The following LRBA variants were observed in gnomAD, a reference collection of about 807,000 sequenced individuals.
LRBA encodes lipopolysaccharide-responsive and beige-like anchor protein.
In LRBA, 176 loss-of-function variants were observed where a neutral mutation model predicts 330.0. The observed-to-expected ratio is 0.53, with a 90% CI of 0.47 to 0.60. The LOEUF (loss-of-function observed/expected upper bound fraction) is 0.60, where lower values mean the gene tolerates loss of function less well. Ranked by LOEUF, LRBA falls within the 20% of genes least tolerant of loss-of-function variation. The pLI is 0.00. For missense variants in LRBA, 3,259 were observed against 3,444.8 expected (o/e 0.95, Z 1.35); for synonymous variants, 1,230 against 1,193.0 (o/e 1.03, Z -0.64).
At chr4:150,354,929 A>G (rs1373349101) in intron 47 of LRBA, among the ~76,000 whole-genome samples, 6 of 152,026 alleles carry the variant, frequency 3.9e-5, no homozygotes, top group African/African-American at 1.4e-4. Context: ...AAATAATTAC[A>G]ATATGTGTGT....
intron 2 of LRBA, among the ~76,000 whole-genome samples, chr4:150,975,101 C>A (rs1245708032): frequency 6.6e-6 from 1 of 151,954 alleles, no homozygotes; most frequent in African/African-American, 2.4e-5. Context: ...TACAAAAAAT[C>A]AAAAAACTAT....
At chr4:150,576,295 G>A (rs892047381) in intron 40 of LRBA, among the ~76,000 whole-genome samples, 3 of 151,758 alleles carry the variant, frequency 2.0e-5, no homozygotes, top group South Asian at 2.1e-4. Context: ...AAAGAATGTA[G>A]TGTTACAACT....
chr4:150,463,343 A>G (rs944856121), intron 44 of LRBA, among the ~76,000 whole-genome samples: 1 of 152,006 alleles, frequency 6.6e-6, no homozygotes, highest in Non-Finnish European at 1.5e-5. Context: ...TTCTTGTTGA[A>G]AGCACTTTTT....
At chr4:150,308,762 C>T (rs1158798015) in intron 52 of LRBA, among the ~76,000 whole-genome samples, 1 of 151,952 alleles carries the variant, frequency 6.6e-6, no homozygotes, top group Admixed American at 6.5e-5. Context: ...TAGAAAAAAA[C>T]CTATACAATA....
intron 50 of LRBA, among the ~76,000 whole-genome samples, chr4:150,320,801 T>C (rs923057915): frequency 6.6e-6 from 1 of 152,130 alleles, no homozygotes; most frequent in Non-Finnish European, 1.5e-5. Flanking sequence ...AGCAAGGCCT[T>C]GTCTCTAAAA....
intron 44 of LRBA, among the ~76,000 whole-genome samples, chr4:150,449,143 T>C (rs1164661150): frequency 6.6e-6 from 1 of 151,908 alleles, no homozygotes; most frequent in Non-Finnish European, 1.5e-5. Context: ...TAAGCAAATA[T>C]CAACTTGCAC....
chr4:150,602,595 C>T (rs1005538184), intron 37 of LRBA, among the ~76,000 whole-genome samples: 12 of 152,040 alleles, frequency 7.9e-5, no homozygotes, highest in Non-Finnish European at 1.2e-4. Flanking sequence ...AAAATGAGGC[C>T]GGCTTTGTCA....
At chr4:150,560,198 G>C (rs1768134027) in intron 40 of LRBA, among the ~76,000 whole-genome samples, 1 of 151,180 alleles carries the variant, frequency 6.6e-6, no homozygotes, top group Non-Finnish European at 1.5e-5. Context: ...ATATACACTT[G>C]TATGTATGTG....
In LRBA at chr4:150,819,204, C is replaced by T. The variant is rs72719635; in HGVS notation, c.5172-1947G>A. 1.6e-3 allele frequency among the ~76,000 whole-genome samples: 241 copies of T among 147,874 alleles called. 1 individual carries two copies. The highest frequency in any genetic ancestry group is 3.7e-3 in the Admixed American group (55 of 14,810). On this transcript the variant is annotated intron_variant, in intron 30 of 56. Coordinates refer to ENST00000651943, the MANE Select transcript of LRBA (RefSeq NM_001364905.1). ...TACTTTATGGGTTTTTTTTTTTTAA[C>T]ATGCATGTCTAGAACAGACAAAACT... is the stretch of plus-strand genomic sequence containing the variant.
rs1311157454 is a variant in LRBA, at chr4:150,791,556, G to A, written c.5580+6525C>T. Among the ~76,000 whole-genome samples the A allele has an allele frequency of 2.0e-5, 3 of 152,102 alleles. 1 individual carries two copies. The highest frequency in any genetic ancestry group is 2.0e-4 in the Admixed American group (3 of 15,264). ...TACCAGAAGCAGACATAAAGAAAAGGACTTGGGCAAGGCAGATATATTCAC... is the reference window on the plus strand; with the variant it reads ...TACCAGAAGCAGACATAAAGAAAAGAACTTGGGCAAGGCAGATATATTCAC... On this transcript the variant is annotated intron_variant, in intron 34 of 56. Transcript: ENST00000651943.
chr4:150,596,657 CTTAA>C (rs1390194394), intron 38 of LRBA, among the ~76,000 whole-genome samples: 1 of 151,748 alleles, frequency 6.6e-6, no homozygotes, highest in Non-Finnish European at 1.5e-5. Flanking sequence ...GTTTTGCATA[CTTAA>C]TTCTTAATAA....
chr4:150,549,693 T>C (rs1414899606), intron 40 of LRBA, among the ~76,000 whole-genome samples: 5 of 152,250 alleles, frequency 3.3e-5, no homozygotes, highest in South Asian at 2.1e-4. Flanking sequence ...TTAATACTTT[T>C]CAAAGTGTAT....
intron 52 of LRBA, among the ~76,000 whole-genome samples, chr4:150,304,810 A>G (rs558491350): frequency 6.6e-6 from 1 of 152,270 alleles, no homozygotes; most frequent in Admixed American, 6.5e-5. Flanking sequence ...CTTACATAGG[A>G]TAAGACAAAA....
chr4:150,584,010 T>C, intron 40 of LRBA: 1 of 1,614,026 alleles, frequency 6.2e-7, no homozygotes, highest in Non-Finnish European at 8.5e-7. Flanking sequence ...TCGACCTCTT[T>C]CAGGGCAAGC....
Position 150,508,899 on chromosome 4 carries a change from G to C in LRBA, c.6331-17864C>G, listed in dbSNP as rs566751868. Among the ~76,000 whole-genome samples, 8 of 152,262 alleles carry C rather than the reference G, an allele frequency of 5.3e-5. No individual in the cohort carries two copies. The South Asian group carries it at 1.5e-3, about 28-fold the overall frequency. On this transcript the variant is annotated intron_variant, in intron 40 of 56. Coordinates refer to ENST00000651943, the MANE Select transcript of LRBA (RefSeq NM_001364905.1). Reference sequence around the variant, plus strand: ...ACATTTATAGAACAGTCCAACCCCAGAGCAAGGTTACGAAAAGCATATTTT... The same window carrying C: ...ACATTTATAGAACAGTCCAACCCCACAGCAAGGTTACGAAAAGCATATTTT...
chr4:150,950,894 G>A (rs563596237), intron 2 of LRBA, among the ~76,000 whole-genome samples: 1 of 152,122 alleles, frequency 6.6e-6, no homozygotes, highest in East Asian at 1.9e-4. Flanking sequence ...ATACAAGACT[G>A]AGAATGTGAG....
intron 48 of LRBA, among the ~76,000 whole-genome samples, chr4:150,343,199 C>T (rs1347095076): frequency 6.6e-6 from 1 of 152,054 alleles, no homozygotes; most frequent in Non-Finnish European, 1.5e-5. Context: ...GAGCTAACTC[C>T]CTGGTGCCCT....
intron 40 of LRBA, among the ~76,000 whole-genome samples, chr4:150,562,224 T>G (rs1561356316): frequency 6.6e-6 from 1 of 152,200 alleles, no homozygotes. Context: ...ACATATAATA[T>G]TCTGTGCACC....
intron 22 of LRBA, among the ~76,000 whole-genome samples, chr4:150,866,756 T>C (rs367836482): frequency 1.1e-4 from 16 of 152,150 alleles, no homozygotes; most frequent in African/African-American, 3.6e-4. Context: ...TACATTACAA[T>C]TGAGAAAATG....
Sources: allele counts gnomAD v4.1 joint callset (sites outside exome capture counted in the v4.1 genomes callset), GRCh38; gene constraint gnomAD v4.1.1; transcripts MANE v1.5; gene names NCBI Gene and HGNC (gene_info 2026-07-23, HGNC 2026-07-21).